MBD5: variants seen among roughly 807,000 people sequenced by gnomAD.
MBD5 encodes methyl-CpG-binding domain protein 5.
In MBD5, 13 loss-of-function variants were observed where a neutral mutation model predicts 117.3. The ratio of observed to expected loss-of-function variants is 0.11; its 90% confidence interval spans 0.07 to 0.18. MBD5 has a LOEUF of 0.18. Ranked by LOEUF, MBD5 falls within the 10% of genes least tolerant of loss-of-function variation. The probability of loss-of-function intolerance (pLI) is 1.00; values close to 1 mark genes in which losing one functional copy is unlikely to be tolerated. For missense variants in MBD5, 1,879 were observed against 2,093.8 expected (o/e 0.90, Z 2.00); for synonymous variants, 727 against 766.4 (o/e 0.95, Z 0.85).
At chr2:148,495,770 C>G (rs6751753) in intron 11 of MBD5, among the ~76,000 whole-genome samples, 6,440 of 152,266 alleles carry the variant, frequency 0.042, 172 homozygotes, top group African/African-American at 0.07. Context: ...AAACAGCTCT[C>G]TGAATAGTCG....
chr2:148,069,177 G>A (rs999294603), intron 1 of MBD5, among the ~76,000 whole-genome samples: 1 of 152,148 alleles, frequency 6.6e-6, no homozygotes, highest in Non-Finnish European at 1.5e-5. Context: ...CAAACCTTTT[G>A]TTACTCTGTG....
chr2:148,506,256 T>C lies in MBD5; in HGVS notation c.5036+3747T>C, dbSNP rs957699945. On this transcript the variant is annotated intron_variant, in intron 12 of 13. Coordinates refer to ENST00000642680, the MANE Select transcript of MBD5 (RefSeq NM_001378120.1). ...TTTTGTACTTAAAAGCAGAAATAGC[T>C]TTATTAAAGAAAAATTCCACAGCTT... 2.6e-4 allele frequency among the ~76,000 whole-genome samples: 40 copies of C among 152,360 alleles called. 1 individual carries two copies. The highest frequency in any genetic ancestry group is 3.4e-3 in the Middle Eastern group (1 of 294).
chr2:148,513,292 T>A lies in MBD5; in HGVS notation c.*351T>A. The A allele has an allele frequency of 3.3e-6, 1 of 299,900 alleles. No individual in the cohort carries two copies. The highest frequency in any genetic ancestry group is 3.7e-5 in the South Asian group (1 of 26,864). The allele number at this position is 299,900 out of a possible 1,614,324, so 18.6% of individuals were successfully genotyped here. A position where few individuals can be genotyped will look rare whatever the true frequency, so the allele number is the denominator to read the frequency against. On this transcript the variant is annotated 3_prime_UTR_variant, in exon 14 of 14. Transcript: ENST00000642680. The stretch of plus-strand genomic sequence containing the variant: ...GAAAATACAGAATTTCATGGTGATA[T>A]CAGAAATGTAAATATTGTACAGTAT...
At chr2:148,195,907 T>A (rs1017294219) in intron 2 of MBD5, among the ~76,000 whole-genome samples, 3 of 152,188 alleles carry the variant, frequency 2.0e-5, no homozygotes, top group Admixed American at 2.0e-4. Context: ...AAGAAATTTG[T>A]AATTTTAAAA....
chr2:148,440,943 T>C (rs1484866764), intron 4 of MBD5, among the ~76,000 whole-genome samples: 1 of 152,184 alleles, frequency 6.6e-6, no homozygotes, highest in South Asian at 2.1e-4. Context: ...AATACAATGG[T>C]ATCTTGGAAG....
chr2:148,263,118 G>A (rs1040064820), intron 3 of MBD5, among the ~76,000 whole-genome samples: 1 of 152,128 alleles, frequency 6.6e-6, no homozygotes, highest in African/African-American at 2.4e-5. Context: ...AAGATGATGA[G>A]TTTTTTATTC....
chr2:148,102,189 G>C (rs1324729371), intron 1 of MBD5, among the ~76,000 whole-genome samples: 1 of 152,124 alleles, frequency 6.6e-6, no homozygotes, highest in Non-Finnish European at 1.5e-5. Flanking sequence ...AGTTAAACAG[G>C]ATGTTATTTT....
intron 1 of MBD5, among the ~76,000 whole-genome samples, chr2:148,101,443 TAGAG>T (rs986384672): frequency 3.3e-5 from 5 of 151,980 alleles, no homozygotes; most frequent in Admixed American, 2.0e-4. Flanking sequence ...GCTTAGATGA[TAGAG>T]AAAGACCCTG....
chr2:148,323,978 C>G (rs1451647596), intron 3 of MBD5, among the ~76,000 whole-genome samples: 1 of 152,088 alleles, frequency 6.6e-6, no homozygotes, highest in Non-Finnish European at 1.5e-5. Context: ...GGTTTTAGGT[C>G]TAACGTTTAA....
In MBD5 at chr2:148,358,492, G is replaced by T. The variant is rs534002185; in HGVS notation, c.-557+16156G>T. 3.4e-4 allele frequency among the ~76,000 whole-genome samples: 51 copies of T among 152,144 alleles called. No individual in the cohort carries two copies. The South Asian group carries it at 7.5e-3, about 22-fold the overall frequency. ...TTTCTCCTATTATAAAGCAAAATAG[G>T]CTGGGTGCAGTGGCTCACGCCTGTA... On this transcript the variant is annotated intron_variant, in intron 4 of 13. Transcript: ENST00000642680.
At chr2:148,507,513 A>G (rs1280362125) in intron 12 of MBD5, among the ~76,000 whole-genome samples, 1 of 150,952 alleles carries the variant, frequency 6.6e-6, no homozygotes, top group African/African-American at 2.4e-5. Flanking sequence ...TAATCCCAGC[A>G]CTTTGGGAGG....
chr2:148,360,827 A>G (rs923993922), intron 4 of MBD5, among the ~76,000 whole-genome samples: 2 of 152,212 alleles, frequency 1.3e-5, no homozygotes, highest in Non-Finnish European at 2.9e-5. Flanking sequence ...GTTGAAAAAT[A>G]TTCAAAAACA....
chr2:148,130,556 T>TA (rs11402326), intron 1 of MBD5, among the ~76,000 whole-genome samples: 63,289 of 149,034 alleles, frequency 0.42, 13,345 homozygotes, highest in Middle Eastern at 0.53. Flanking sequence ...TGTGTGATAT[T>TA]AAAAAAAAAA....
At chr2:148,203,582 G>T (rs1377584116) in intron 2 of MBD5, among the ~76,000 whole-genome samples, 1 of 152,178 alleles carries the variant, frequency 6.6e-6, no homozygotes, top group Non-Finnish European at 1.5e-5. Context: ...GCATTAGGAA[G>T]GAGGGTCAAG....
chr2:148,278,907 G>A (rs1701174818), intron 3 of MBD5, among the ~76,000 whole-genome samples: 1 of 152,216 alleles, frequency 6.6e-6, no homozygotes, highest in Non-Finnish European at 1.5e-5. Context: ...AAAGGTTGGA[G>A]AACCTGGAGT....
intron 1 of MBD5, among the ~76,000 whole-genome samples, chr2:148,168,978 AAT>A (rs200077401): frequency 2.4e-4 from 36 of 147,284 alleles, no homozygotes; most frequent in East Asian, 2.0e-4. Flanking sequence ...ATATACGTAT[AAT>A]ATATATATAT....
intron 4 of MBD5, among the ~76,000 whole-genome samples, chr2:148,446,911 A>G (rs774710294): frequency 9.9e-5 from 15 of 152,042 alleles, no homozygotes; most frequent in Non-Finnish European, 1.6e-4. Context: ...AACAGAAAAC[A>G]ATCTTTTTAA....
At position 148,145,843 on chromosome 2, in the gene MBD5, G is replaced by A. The variant is rs182849069; in HGVS notation, c.-924-32857G>A. ...AGGTTTTTGATGTGCTGCTGGATTC[G>A]GTTTGCCAGTATTTTATTGAGGATT... On this transcript the variant is annotated intron_variant, in intron 1 of 13. Transcript: ENST00000642680. Among the ~76,000 whole-genome samples, 1,233 of 152,158 alleles carry A rather than the reference G, an allele frequency of 8.1e-3. 13 individuals are homozygous for A. Among genetic ancestry groups the A allele is most frequent in the South Asian group, 0.041 (197 of 4,810 alleles).
At position 148,511,753 on chromosome 2, in the gene MBD5, A is replaced by T. The variant is rs903193544; in HGVS notation, c.5113-1117A>T. On this transcript the variant is annotated intron_variant, in intron 13 of 13. Coordinates refer to ENST00000642680, the MANE Select transcript of MBD5 (RefSeq NM_001378120.1). Reference sequence around the variant, plus strand: ...CTCTTTACTACAGAATAGTTGTTTTAAAAAATGTGTATGGAGAAGATTAGG... The same window carrying T: ...CTCTTTACTACAGAATAGTTGTTTTTAAAAATGTGTATGGAGAAGATTAGG... Among the ~76,000 whole-genome samples the T allele has an allele frequency of 2.5e-4, 38 of 152,222 alleles. 1 individual carries two copies. The highest frequency in any genetic ancestry group is 8.0e-4 in the African/African-American group (33 of 41,464).
Sources: allele counts gnomAD v4.1 joint callset (sites outside exome capture counted in the v4.1 genomes callset), GRCh38; gene constraint gnomAD v4.1.1; transcripts MANE v1.5; gene names NCBI Gene and HGNC (gene_info 2026-07-23, HGNC 2026-07-21).